The following FBXL7 variants were observed in gnomAD, a reference collection of about 807,000 sequenced individuals.
FBXL7 encodes F-box and leucine rich repeat protein 7.
In FBXL7, 12 loss-of-function variants were observed where a neutral mutation model predicts 38.3. The ratio of observed to expected loss-of-function variants is 0.31; its 90% confidence interval spans 0.20 to 0.51. The LOEUF is 0.51. Ranked by LOEUF, FBXL7 falls within the 20% of genes least tolerant of loss-of-function variation. The pLI is 0.98. For synonymous variants in FBXL7, 297 were observed against 300.9 expected (o/e 0.99, Z 0.13); for missense variants, 567 against 676.4 (o/e 0.84, Z 1.79).
chr5:15,656,851 AATTT>A (rs1185028075), intron 2 of FBXL7, among the ~76,000 whole-genome samples: 93 of 152,306 alleles, frequency 6.1e-4, no homozygotes, highest in Admixed American at 6.0e-3. Flanking sequence ...TAAAATGATT[AATTT>A]ATTAATATAA....
chr5:15,882,499 G>C (rs1740497830), intron 2 of FBXL7, among the ~76,000 whole-genome samples: 1 of 152,118 alleles, frequency 6.6e-6, no homozygotes, highest in Admixed American at 6.5e-5. Context: ...CATGAGAAGA[G>C]GAATGTCTGT....
Position 15,826,018 on chromosome 5 carries a change from A to T in FBXL7, c.128-101872A>T, listed in dbSNP as rs553514128. 7.2e-5 allele frequency among the ~76,000 whole-genome samples: 11 copies of T among 152,310 alleles called. No individual in the cohort carries two copies. The South Asian group carries it at 2.1e-3, about 29-fold the overall frequency. The stretch of plus-strand genomic sequence containing the variant: ...TTAAGGAGATTTTTTTGTGAACTTA[A>T]AATTATGAGATGGGAGTTGGAAGTT... On this transcript the variant is annotated intron_variant, in intron 2 of 3. Coordinates refer to ENST00000504595, the MANE Select transcript of FBXL7 (RefSeq NM_012304.5).
At chr5:15,797,836 A>G (rs1737457446) in intron 2 of FBXL7, among the ~76,000 whole-genome samples, 1 of 152,240 alleles carries the variant, frequency 6.6e-6, no homozygotes, top group African/African-American at 2.4e-5. Flanking sequence ...TTAAAAATAT[A>G]CGTTTATGCT....
chr5:15,571,274 T>C (rs1738772331), intron 1 of FBXL7, among the ~76,000 whole-genome samples: 2 of 152,204 alleles, frequency 1.3e-5, no homozygotes, highest in South Asian at 2.1e-4. Context: ...ACTAGCAGTA[T>C]AGAAACTGTG....
At chr5:15,804,119 A>G (rs1331738891) in intron 2 of FBXL7, among the ~76,000 whole-genome samples, 6 of 152,200 alleles carry the variant, frequency 3.9e-5, no homozygotes, top group Non-Finnish European at 1.5e-5. Flanking sequence ...TAATTCCAGG[A>G]TATTTTACAT....
intron 2 of FBXL7, among the ~76,000 whole-genome samples, chr5:15,729,788 A>G (rs1308810902): frequency 6.6e-6 from 1 of 152,216 alleles, no homozygotes; most frequent in Non-Finnish European, 1.5e-5. Context: ...TGCGTCAGGC[A>G]GCATCATATG....
At chr5:15,563,966 G>T (rs1173323255) in intron 1 of FBXL7, among the ~76,000 whole-genome samples, 2 of 152,024 alleles carry the variant, frequency 1.3e-5, no homozygotes, top group Non-Finnish European at 2.9e-5. Context: ...CAGGTTTTCA[G>T]TGTCCAGCCT....
chr5:15,890,251 T>C (rs1269347691), intron 2 of FBXL7, among the ~76,000 whole-genome samples: 2 of 151,916 alleles, frequency 1.3e-5, no homozygotes, highest in East Asian at 3.9e-4. Context: ...TTTGATTCTT[T>C]TTGTTTTTTT....
chr5:15,884,043 G>A (rs952783092), intron 2 of FBXL7, among the ~76,000 whole-genome samples: 1 of 152,108 alleles, frequency 6.6e-6, no homozygotes, highest in Non-Finnish European at 1.5e-5. Flanking sequence ...ACACTTAATA[G>A]AAATTTACCT....
In FBXL7 at chr5:15,695,143, C is replaced by T. The variant is rs1354431264; in HGVS notation, c.127+79071C>T. On this transcript the variant is annotated intron_variant, in intron 2 of 3. Transcript: ENST00000504595. ...ATTAATAACTTTTTACTTTTAGAGTCAAAAGAAAGGAAAAGGAAAGATGAC... is the reference window on the plus strand; with the variant it reads ...ATTAATAACTTTTTACTTTTAGAGTTAAAAGAAAGGAAAAGGAAAGATGAC... Among the ~76,000 whole-genome samples the T allele has an allele frequency of 2.6e-5, 4 of 152,018 alleles. No homozygotes were observed. The South Asian group carries it at 6.2e-4, about 24-fold the overall frequency.
At chr5:15,578,997 C>T (rs894844793) in intron 1 of FBXL7, among the ~76,000 whole-genome samples, 8 of 152,160 alleles carry the variant, frequency 5.3e-5, no homozygotes, top group African/African-American at 1.2e-4. Context: ...AGATATACAG[C>T]CTTTGCCAAC....
intron 2 of FBXL7, among the ~76,000 whole-genome samples, chr5:15,813,575 T>C (rs1485491317): frequency 6.6e-6 from 1 of 151,944 alleles, no homozygotes; most frequent in Non-Finnish European, 1.5e-5. Flanking sequence ...AATTGACAAA[T>C]GGGATCTAAT....
chr5:15,919,302 T>C (rs942849657), intron 2 of FBXL7, among the ~76,000 whole-genome samples: 6 of 152,184 alleles, frequency 3.9e-5, no homozygotes, highest in Admixed American at 6.5e-5. Context: ...CAGGCAGCTA[T>C]CTAGTTAAAA....
At position 15,936,821 on chromosome 5, in the gene FBXL7, G is replaced by T; in HGVS notation, c.1111G>T (p.Val371Leu). ...GRVTDVGIRY[V>L]AKYCSKLRYL... ...GGTCACCGACGTGGGCATCCGCTAC[G>T]TGGCCAAGTACTGCAGCAAGCTGCG... The change falls in exon 4 of 4, where the codon GTG (valine) becomes TTG (leucine). Residue 371 changes from valine (V) to leucine (L), a missense_variant. By Grantham distance (32) the Val-to-Leu change is conservative (BLOSUM62 1). Coordinates refer to ENST00000504595, the MANE Select transcript of FBXL7 (RefSeq NM_012304.5). This position sits in a 1 kb window ranked among gnomAD's most constrained non-coding sequence, Gnocchi z 6.0. 1 of 1,613,340 alleles carries T rather than the reference G, an allele frequency of 6.2e-7. No individual in the cohort carries two copies. Among genetic ancestry groups the T allele is most frequent in the Non-Finnish European group, 8.5e-7 (1 of 1,179,670 alleles).
chr5:15,857,095 C>T (rs926519468), intron 2 of FBXL7, among the ~76,000 whole-genome samples: 3 of 152,120 alleles, frequency 2.0e-5, no homozygotes, highest in Non-Finnish European at 4.4e-5. Context: ...ATGGCACTGC[C>T]GCAGGCATTG....
chr5:15,819,852 G>A (rs1738124189), intron 2 of FBXL7, among the ~76,000 whole-genome samples: 1 of 152,204 alleles, frequency 6.6e-6, no homozygotes. Context: ...ACTTCAGAAG[G>A]AGGGATGAGC....
chr5:15,864,150 C>A (rs1038752966), intron 2 of FBXL7, among the ~76,000 whole-genome samples: 4 of 151,952 alleles, frequency 2.6e-5, no homozygotes, highest in Admixed American at 2.6e-4. Context: ...TCTAGAAGCC[C>A]TGTCATTGAT....
chr5:15,576,729 A>T (rs1321447403), intron 1 of FBXL7, among the ~76,000 whole-genome samples: 1 of 152,108 alleles, frequency 6.6e-6, no homozygotes, highest in Non-Finnish European at 1.5e-5. Flanking sequence ...TGATGAAACC[A>T]TAAAGTTTAG....
At chr5:15,773,914 A>C (rs1736794274) in intron 2 of FBXL7, among the ~76,000 whole-genome samples, 1 of 152,082 alleles carries the variant, frequency 6.6e-6, no homozygotes, top group Non-Finnish European at 1.5e-5. Context: ...GAGAGCATAA[A>C]TGTTCACTGT....
Sources: allele counts gnomAD v4.1 joint callset (sites outside exome capture counted in the v4.1 genomes callset), GRCh38; gene constraint gnomAD v4.1.1; non-coding constraint Gnocchi (gnomAD v3.1); transcripts MANE v1.5; gene names NCBI Gene and HGNC (gene_info 2026-07-23, HGNC 2026-07-21).